The following PDLIM3 variants were observed in gnomAD, a reference collection of about 807,000 sequenced individuals.
PDLIM3 encodes the protein PDZ and LIM domain protein 3.
PDLIM3 carries 36 observed loss-of-function variants against 37.3 expected under a neutral mutation model. The observed-to-expected ratio is 0.97, with a 90% CI of 0.74 to 1.28. PDLIM3 has a LOEUF of 1.28. PDLIM3 is among the 50% of genes most tolerant of loss of function. The pLI is 0.00. For synonymous variants in PDLIM3, 174 were observed against 182.4 expected (o/e 0.95, Z 0.37); for missense variants, 454 against 485.0 (o/e 0.94, Z 0.60).
intron 3 of PDLIM3, chr4:185,517,202 T>C (rs1482607076): frequency 6.6e-6 from 1 of 152,190 alleles, no homozygotes; most frequent in Non-Finnish European, 1.5e-5. Context: ...GTAATGACAA[T>C]GGCCATGATT....
chr4:185,507,920 G>GTA (rs1437392445), intron 5 of PDLIM3, among the ~76,000 whole-genome samples: 1 of 151,764 alleles, frequency 6.6e-6, no homozygotes, highest in Non-Finnish European at 1.5e-5. Context: ...CAGACATAGG[G>GTA]TATACTAGAT....
chr4:185,505,706 G>A (rs967693254), intron 6 of PDLIM3, among the ~76,000 whole-genome samples: 2 of 152,122 alleles, frequency 1.3e-5, no homozygotes, highest in African/African-American at 4.8e-5. Context: ...GGAGTTGCTG[G>A]ATCACATGGT....
At chr4:185,529,084 C>T (rs1486176240) in intron 1 of PDLIM3, among the ~76,000 whole-genome samples, 1 of 152,064 alleles carries the variant, frequency 6.6e-6, no homozygotes, top group African/African-American at 2.4e-5. Flanking sequence ...ATCAAAAGTA[C>T]CAGAGAGATC....
At chr4:185,527,828 T>C (rs1050337058) in intron 1 of PDLIM3, among the ~76,000 whole-genome samples, 4 of 152,122 alleles carry the variant, frequency 2.6e-5, no homozygotes, top group Non-Finnish European at 5.9e-5. Context: ...GGTGGAAGGA[T>C]TGCTTGAGGC....
intron 3 of PDLIM3, chr4:185,517,188 G>A (rs1379357595): frequency 6.6e-6 from 1 of 152,106 alleles, no homozygotes; most frequent in Admixed American, 6.6e-5. Flanking sequence ...AGAAATAATT[G>A]TAAGTAATGA....
intron 1 of PDLIM3, among the ~76,000 whole-genome samples, chr4:185,531,806 C>A (rs1037800776): frequency 1.3e-5 from 2 of 151,494 alleles, no homozygotes; most frequent in South Asian, 2.1e-4. Flanking sequence ...TTAAAACTGA[C>A]ACATCAGCCA....
At chr4:185,520,349 G>GT (rs1438698672) in intron 3 of PDLIM3, among the ~76,000 whole-genome samples, 2 of 152,184 alleles carry the variant, frequency 1.3e-5, no homozygotes, top group Non-Finnish European at 2.9e-5. Context: ...GAGGATGTCA[G>GT]TAAGAATTAG....
At chr4:185,507,028 C>CA (rs777480912) in intron 5 of PDLIM3, 16 of 204,356 alleles carry the variant, frequency 7.8e-5, no homozygotes, top group Admixed American at 2.6e-4. Flanking sequence ...ATACACATGA[C>CA]AGAAAGTGCA....
Position 185,508,481 on chromosome 4 carries a change from G to A in PDLIM3, c.480C>T (p.Cys160=). 1.2e-6 allele frequency: 2 copies of A among 1,614,150 alleles called. No individual in the cohort carries two copies. The highest frequency in any genetic ancestry group is 1.7e-6 in the Non-Finnish European group (2 of 1,180,002). Reference sequence around the variant, plus strand: ...TAGCCGCAACTTTCAAGTCACCTGGGCAAATGGTACTAACAGTACTGACAG... The same window carrying A: ...TAGCCGCAACTTTCAAGTCACCTGGACAAATGGTACTAACAGTACTGACAG... ...PSSVSTVSTI[C]PGDLKVAAKL... is the part of the protein sequence containing the mutation. Residue 160 remains cysteine, a synonymous_variant, in exon 5 of 8, where the codon TGC becomes TGT. Transcript: ENST00000284767.
intron 4 of PDLIM3, among the ~76,000 whole-genome samples, chr4:185,509,048 C>A (rs957321867): frequency 2.0e-5 from 3 of 152,154 alleles, no homozygotes; most frequent in African/African-American, 7.2e-5. Context: ...AAGATGCAAT[C>A]ACATATTTGG....
chr4:185,518,006 G>A (rs554551869), intron 3 of PDLIM3, among the ~76,000 whole-genome samples: 15 of 152,242 alleles, frequency 9.9e-5, no homozygotes, highest in Middle Eastern at 3.4e-3. Flanking sequence ...GAAAATGCCA[G>A]TTAAAAAAGT....
intron 1 of PDLIM3, among the ~76,000 whole-genome samples, chr4:185,530,193 C>A (rs2095741618): frequency 6.6e-6 from 1 of 152,194 alleles, no homozygotes; most frequent in South Asian, 2.1e-4. Flanking sequence ...TGTGTTAGAA[C>A]AAAATTGAAC....
intron 6 of PDLIM3, among the ~76,000 whole-genome samples, chr4:185,506,024 C>T (rs1466235673): frequency 6.6e-6 from 1 of 152,214 alleles, no homozygotes; most frequent in African/African-American, 2.4e-5. Flanking sequence ...AGGCCACCCG[C>T]CCATCTCTCA....
At chr4:185,528,967 GCATGCA>G (rs2095739129) in intron 1 of PDLIM3, among the ~76,000 whole-genome samples, 1 of 152,052 alleles carries the variant, frequency 6.6e-6, no homozygotes, top group African/African-American at 2.4e-5. Flanking sequence ...CTTTGTATTA[GCATGCA>G]CAGTTTATTA....
At chr4:185,513,611 T>C in intron 4 of PDLIM3, 1 of 987,092 alleles carries the variant, frequency 1.0e-6, no homozygotes. Flanking sequence ...CGGTAAATCA[T>C]ATTCAATGTT....
chr4:185,510,656 A>G (rs886377470), intron 4 of PDLIM3, among the ~76,000 whole-genome samples: 3 of 151,998 alleles, frequency 2.0e-5, no homozygotes, highest in African/African-American at 4.8e-5. Flanking sequence ...TATTTATTGG[A>G]AAAAAAATCC....
chr4:185,535,487 C>T lies in PDLIM3; in HGVS notation c.-53G>A, dbSNP rs1406414785. The T allele has an allele frequency of 4.1e-6, 6 of 1,480,380 alleles. No homozygotes were observed. Among genetic ancestry groups the T allele is most frequent in the Non-Finnish European group, 5.5e-6 (6 of 1,094,214 alleles). 91.7% of individuals were successfully genotyped at this position (1,480,380 alleles called of 1,614,324 possible). On this transcript the variant is annotated 5_prime_UTR_variant, in exon 1 of 8. In the 5' UTR this introduces an upstream ATG that the reference lacks. Coordinates refer to ENST00000284767, the MANE Select transcript of PDLIM3 (RefSeq NM_014476.6). ...TAAGTGTCCCCGCGCAGGGCAGCCACTCCGCGCCGGGCGGCGTCCTGGCCC... is the reference window on the plus strand; with the variant it reads ...TAAGTGTCCCCGCGCAGGGCAGCCATTCCGCGCCGGGCGGCGTCCTGGCCC...
chr4:185,534,298 T>G (rs1161117184), intron 1 of PDLIM3, among the ~76,000 whole-genome samples: 1 of 152,286 alleles, frequency 6.6e-6, no homozygotes, highest in East Asian at 1.9e-4. Context: ...ATCAATCAGA[T>G]TATAACACAT....
intron 3 of PDLIM3, chr4:185,515,370 G>A (rs1029551104): frequency 2.0e-5 from 3 of 152,186 alleles, no homozygotes; most frequent in South Asian, 2.1e-4. Flanking sequence ...GAGCATTTAC[G>A]AATAATTAGC....
Sources: gnomAD v4.1 joint callset for allele counts (sites outside exome capture counted in the v4.1 genomes callset) on GRCh38, gnomAD v4.1.1 for gene constraint, MANE v1.5 for transcripts, NCBI Gene and HGNC (gene_info 2026-07-23, HGNC 2026-07-21) for gene names.